The following MGAT4C variants were observed in gnomAD, a reference collection of about 807,000 sequenced individuals.
MGAT4C encodes alpha-1,3-mannosyl-glycoprotein 4-beta-N-acetylglucosaminyltransferase C.
A neutral mutation model predicts 40.1 loss-of-function variants in MGAT4C; 19 were observed. The ratio of observed to expected loss-of-function variants is 0.47; its 90% CI spans 0.33 to 0.70. The LOEUF is 0.70. Among genes scored for constraint, MGAT4C ranks in the 30% least tolerant of loss-of-function variants. The pLI, the probability that MGAT4C is intolerant of heterozygous loss-of-function variation, is 0.02. For missense variants in MGAT4C, 491 were observed against 563.2 expected (o/e 0.87, Z 1.30); for synonymous variants, 181 against 187.1 (o/e 0.97, Z 0.27).
chr12:86,723,052 A>G (rs1950761929), intron 2 of MGAT4C, among the ~76,000 whole-genome samples: 1 of 152,218 alleles, frequency 6.6e-6, no homozygotes, highest in Admixed American at 6.5e-5. Context: ...TCAAATCTGT[A>G]CAACTATTTT....
At chr12:86,235,574 T>G (rs1951499936) in intron 1 of MGAT4C, among the ~76,000 whole-genome samples, 1 of 151,796 alleles carries the variant, frequency 6.6e-6, no homozygotes, top group African/African-American at 2.4e-5. Flanking sequence ...CAGGTTGATA[T>G]GGAATATAAA....
intron 1 of MGAT4C, among the ~76,000 whole-genome samples, chr12:86,181,027 AGG>A (rs1353189126): frequency 6.6e-6 from 1 of 152,136 alleles, no homozygotes; most frequent in East Asian, 1.9e-4. Flanking sequence ...AGAGGGACCC[AGG>A]GGGAGGTAAT....
rs1414129097 is a variant in MGAT4C, at chr12:85,964,493, T to C, written c.*14796A>G. ...CAACATTCCTAAGACTAGAACCTTA[T>C]CTTGAAAAATTATGATTTTAAACTT... On this transcript the variant is annotated 3_prime_UTR_variant, in exon 5 of 5. Transcript: ENST00000611864. 18 of 152,092 alleles carry C rather than the reference T, an allele frequency of 1.2e-4. No individual in the cohort carries two copies. Among genetic ancestry groups the C allele is most frequent in the Admixed American group, 1.1e-3 (17 of 15,260 alleles). 9.4% of individuals were successfully genotyped at this position (152,092 alleles called of 1,614,324 possible). A position where few individuals can be genotyped will look rare whatever the true frequency, so the allele number is the denominator to read the frequency against.
intron 1 of MGAT4C, among the ~76,000 whole-genome samples, chr12:86,203,722 T>C (rs61948997): frequency 0.083 from 12,570 of 151,308 alleles, 620 homozygotes; most frequent in Middle Eastern, 0.22. Flanking sequence ...CTTTGGGAGG[T>C]TGAGGCGGGC....
At chr12:86,430,743 G>A (rs756120392) in intron 3 of MGAT4C, among the ~76,000 whole-genome samples, 17 of 152,162 alleles carry the variant, frequency 1.1e-4, no homozygotes, top group Non-Finnish European at 2.4e-4. Flanking sequence ...TGGATCCAGA[G>A]GCTATGGTCC....
intron 4 of MGAT4C, among the ~76,000 whole-genome samples, chr12:86,317,292 T>C (rs893604201): frequency 3.3e-5 from 5 of 151,416 alleles, no homozygotes; most frequent in African/African-American, 1.2e-4. Flanking sequence ...TGAAGGAAGA[T>C]AGGAGATATA....
intron 1 of MGAT4C, among the ~76,000 whole-genome samples, chr12:86,159,733 C>T (rs61929471): frequency 0.073 from 11,075 of 152,096 alleles, 569 homozygotes; most frequent in Middle Eastern, 0.22. Context: ...TTCAGGGTTT[C>T]AATCTCTTCC....
chr12:86,720,259 G>T (rs375451333), intron 2 of MGAT4C, among the ~76,000 whole-genome samples: 1 of 151,702 alleles, frequency 6.6e-6, no homozygotes, highest in African/African-American at 2.4e-5. Context: ...TAAAGTCTCC[G>T]AAATCATGTG....
At chr12:85,983,731 A>C in intron 3 of MGAT4C, 61 bp from the exon 4 acceptor site, 1 of 1,354,842 alleles carries the variant, frequency 7.4e-7, no homozygotes, top group Non-Finnish European at 9.9e-7. Context: ...GGATTAAATA[A>C]AGTTTCTTTT....
At chr12:86,542,161 G>A (rs991414940) in intron 2 of MGAT4C, among the ~76,000 whole-genome samples, 10 of 152,138 alleles carry the variant, frequency 6.6e-5, no homozygotes, top group Non-Finnish European at 4.4e-5. Context: ...AATCTGAAAC[G>A]CTGGGGAAAT....
intron 1 of MGAT4C, among the ~76,000 whole-genome samples, chr12:86,762,449 T>G (rs551065186): frequency 6.6e-6 from 1 of 152,284 alleles, no homozygotes; most frequent in Admixed American, 6.5e-5. Flanking sequence ...CATTTCTTAC[T>G]GGCTGTGGGG....
intron 1 of MGAT4C, among the ~76,000 whole-genome samples, chr12:86,087,802 G>A (rs1565963231): frequency 6.6e-6 from 1 of 151,780 alleles, no homozygotes; most frequent in South Asian, 2.1e-4. Context: ...CAATAATACT[G>A]CCCAAAGCAA....
chr12:86,358,815 A>C (rs968896408), intron 3 of MGAT4C, among the ~76,000 whole-genome samples: 1 of 152,242 alleles, frequency 6.6e-6, no homozygotes, highest in African/African-American at 2.4e-5. Flanking sequence ...AGGAGCACCC[A>C]GATTCATAAA....
chr12:86,528,235 A>T (rs1958918309), intron 2 of MGAT4C, among the ~76,000 whole-genome samples: 1 of 152,066 alleles, frequency 6.6e-6, no homozygotes, highest in Non-Finnish European at 1.5e-5. Flanking sequence ...GATTATTGCT[A>T]TGATGTTGTG....
chr12:86,574,043 G>T (rs372087616), intron 2 of MGAT4C, among the ~76,000 whole-genome samples: 6 of 151,556 alleles, frequency 4.0e-5, no homozygotes, highest in South Asian at 2.1e-4. Flanking sequence ...ATGCTTTAGA[G>T]ATACTTTTTT....
chr12:86,707,047 C>A (rs544699005), intron 2 of MGAT4C, among the ~76,000 whole-genome samples: 2 of 152,196 alleles, frequency 1.3e-5, no homozygotes, highest in Non-Finnish European at 1.5e-5. Context: ...GATGGTGGGG[C>A]TTCTGCAGTC....
chr12:86,318,208 GA>G (rs1954293699), intron 4 of MGAT4C, among the ~76,000 whole-genome samples: 1 of 150,016 alleles, frequency 6.7e-6, no homozygotes, highest in Admixed American at 6.7e-5. Flanking sequence ...TCTATTTTAT[GA>G]ATTTTTTTGT....
At chr12:86,022,632 T>G (rs1284199609) in intron 2 of MGAT4C, 2 of 152,218 alleles carry the variant, frequency 1.3e-5, no homozygotes, top group Non-Finnish European at 2.9e-5. Flanking sequence ...AGAGGATCAC[T>G]TGAGCCCAAC....
chr12:86,517,011 C>T (rs532508731), intron 2 of MGAT4C, among the ~76,000 whole-genome samples: 3 of 152,154 alleles, frequency 2.0e-5, no homozygotes, highest in East Asian at 3.9e-4. Flanking sequence ...TTCACACCTA[C>T]GAGGATAACT....
Sources: gnomAD v4.1 joint callset for allele counts (sites outside exome capture counted in the v4.1 genomes callset) on GRCh38, gnomAD v4.1.1 for gene constraint, MANE v1.5 for transcripts, NCBI Gene and HGNC (gene_info 2026-07-23, HGNC 2026-07-21) for gene names.